The following CACNA2D3 variants were observed in gnomAD, a reference collection of about 807,000 sequenced individuals.
The protein encoded by CACNA2D3 is voltage-dependent calcium channel subunit alpha-2/delta-3.
In CACNA2D3, 60 loss-of-function variants were observed where a neutral mutation model predicts 160.6. That is an observed-to-expected ratio of 0.37 (90% CI 0.30 to 0.46). The LOEUF is 0.46. CACNA2D3 is among the 20% of genes least tolerant of loss of function. The pLI, the probability that CACNA2D3 is intolerant of heterozygous loss-of-function variation, is 1.00. For synonymous variants in CACNA2D3, 558 were observed against 492.9 expected (o/e 1.13, Z -1.75); for missense variants, 1,205 against 1,365.0 (o/e 0.88, Z 1.85).
At chr3:54,600,214 T>C (rs1396914940) in intron 9 of CACNA2D3, among the ~76,000 whole-genome samples, 1 of 152,184 alleles carries the variant, frequency 6.6e-6, no homozygotes, top group African/African-American at 2.4e-5. Flanking sequence ...AGAAACCTCC[T>C]GCAGCTTTAC....
At chr3:54,175,038 T>C (rs959123946) in intron 2 of CACNA2D3, among the ~76,000 whole-genome samples, 3 of 152,186 alleles carry the variant, frequency 2.0e-5, no homozygotes, top group African/African-American at 7.2e-5. Context: ...ATCTGCACAG[T>C]TGGATTTGTA....
chr3:54,590,534 T>C (rs1702838427), intron 9 of CACNA2D3, among the ~76,000 whole-genome samples: 1 of 152,142 alleles, frequency 6.6e-6, no homozygotes, highest in Admixed American at 6.5e-5. Context: ...TCCCTTGTGA[T>C]GTTATGCTGT....
intron 3 of CACNA2D3, among the ~76,000 whole-genome samples, chr3:54,342,857 G>A (rs569859811): frequency 6.6e-6 from 1 of 152,306 alleles, no homozygotes; most frequent in Admixed American, 6.5e-5. Context: ...CATAGCTCTC[G>A]GGCTGTGCGG....
chr3:54,918,564 G>A, intron 27 of CACNA2D3: 1 of 1,614,058 alleles, frequency 6.2e-7, no homozygotes, highest in African/African-American at 1.3e-5. Context: ...CCGCATAGGT[G>A]CAGCCATAGA....
At chr3:54,342,370 A>G (rs1037938820) in intron 3 of CACNA2D3, among the ~76,000 whole-genome samples, 8 of 152,310 alleles carry the variant, frequency 5.3e-5, no homozygotes, top group African/African-American at 9.6e-5. Flanking sequence ...AAGCAGTCCT[A>G]TGAGGCAGTG....
chr3:54,447,036 T>C (rs929225704), intron 4 of CACNA2D3, among the ~76,000 whole-genome samples: 1 of 152,218 alleles, frequency 6.6e-6, no homozygotes, highest in Admixed American at 6.5e-5. Flanking sequence ...ATAGGCACTT[T>C]TTTCAGCCAA....
chr3:54,850,010 C>G (rs931161725), intron 17 of CACNA2D3, among the ~76,000 whole-genome samples: 1 of 152,212 alleles, frequency 6.6e-6, no homozygotes, highest in African/African-American at 2.4e-5. Context: ...TCTCCAAGAA[C>G]AGCTCAGACA....
Position 54,571,374 on chromosome 3 carries a change from C to G in CACNA2D3, c.888+1270C>G, listed in dbSNP as rs987587214. Among the ~76,000 whole-genome samples, 4 of 152,264 alleles carry G rather than the reference C, an allele frequency of 2.6e-5. No homozygotes were observed. The East Asian group carries it at 7.7e-4, about 29-fold the overall frequency. On this transcript the variant is annotated intron_variant, in intron 8 of 37. Transcript: ENST00000474759. Reference sequence around the variant, plus strand: ...CCCCATTTCCCATCACGGCCTGAAACAGTCTCTCAGATTAAATTTTAAAAG... The same window carrying G: ...CCCCATTTCCCATCACGGCCTGAAAGAGTCTCTCAGATTAAATTTTAAAAG...
chr3:54,914,681 T>C (rs1700624744), intron 27 of CACNA2D3, among the ~76,000 whole-genome samples: 1 of 152,236 alleles, frequency 6.6e-6, no homozygotes, highest in Admixed American at 6.5e-5. Context: ...TCTTTGAGAC[T>C]GCATTGCAAT....
At chr3:54,949,108 CA>C (rs1701690326) in intron 27 of CACNA2D3, among the ~76,000 whole-genome samples, 1 of 152,164 alleles carries the variant, frequency 6.6e-6, no homozygotes, top group Non-Finnish European at 1.5e-5. Context: ...AGCAGATTGG[CA>C]AACTCAGTGG....
At chr3:54,549,733 A>G (rs988973708) in intron 5 of CACNA2D3, among the ~76,000 whole-genome samples, 2 of 152,152 alleles carry the variant, frequency 1.3e-5, no homozygotes, top group African/African-American at 2.4e-5. Flanking sequence ...TGCTACACGC[A>G]TTTGTACAGT....
intron 27 of CACNA2D3, among the ~76,000 whole-genome samples, chr3:54,939,717 C>T (rs1482008633): frequency 6.6e-6 from 1 of 152,230 alleles, no homozygotes; most frequent in African/African-American, 2.4e-5. Context: ...CCCCTGCAGG[C>T]CCACCCTCTC....
intron 2 of CACNA2D3, among the ~76,000 whole-genome samples, chr3:54,298,424 G>A (rs9874561): frequency 0.62 from 93,881 of 152,128 alleles, 29,538 homozygotes; most frequent in African/African-American, 0.7. Context: ...TGAACTTCAG[G>A]TTCATAAAAC....
At chr3:54,735,922 C>G (rs561833519) in intron 11 of CACNA2D3, among the ~76,000 whole-genome samples, 6 of 140,080 alleles carry the variant, frequency 4.3e-5, no homozygotes, top group Non-Finnish European at 7.8e-5. Context: ...TATCCACCCT[C>G]GAGAGATTAT....
intron 11 of CACNA2D3, among the ~76,000 whole-genome samples, chr3:54,735,991 A>G (rs1164770741): frequency 4.8e-5 from 5 of 105,058 alleles, no homozygotes; most frequent in Admixed American, 3.8e-4. Context: ...GTATATATAT[A>G]TACATATATA....
At chr3:54,666,198 T>G (rs1320921148) in intron 11 of CACNA2D3, among the ~76,000 whole-genome samples, 1 of 152,192 alleles carries the variant, frequency 6.6e-6, no homozygotes, top group East Asian at 1.9e-4. Context: ...ATCTTTTAGT[T>G]TCTCAACAGA....
chr3:54,213,000 A>G (rs1701402889), intron 2 of CACNA2D3, among the ~76,000 whole-genome samples: 1 of 152,114 alleles, frequency 6.6e-6, no homozygotes, highest in African/African-American at 2.4e-5. Flanking sequence ...GGTTCCTCAC[A>G]AGTAGCCTTT....
At chr3:54,421,997 T>G (rs1397169223) in intron 4 of CACNA2D3, among the ~76,000 whole-genome samples, 1 of 152,186 alleles carries the variant, frequency 6.6e-6, no homozygotes, top group Non-Finnish European at 1.5e-5. Context: ...TTTGTAGCTT[T>G]AAAAATATGA....
At position 54,704,675 on chromosome 3, in the gene CACNA2D3, C is replaced by G. The variant is rs187484517; in HGVS notation, c.1168-47924C>G. 2.6e-5 allele frequency among the ~76,000 whole-genome samples: 4 copies of G among 152,178 alleles called. No homozygotes were observed. In the East Asian group the frequency reaches 7.7e-4, roughly 29 times the overall value. ...TCCCTTTAACAAGAGGTGTTTAGGC[C>G]AAGAGACACAAATATTAATATACCC... is the stretch of plus-strand genomic sequence containing the variant. On this transcript the variant is annotated intron_variant, in intron 11 of 37. Transcript: ENST00000474759.
Sources: allele counts gnomAD v4.1 joint callset (sites outside exome capture counted in the v4.1 genomes callset), GRCh38; gene constraint gnomAD v4.1.1; transcripts MANE v1.5; gene names NCBI Gene and HGNC (gene_info 2026-07-23, HGNC 2026-07-21).